Variants in STK32C observed in about 807,000 individuals in gnomAD.
STK32C encodes serine/threonine-protein kinase 32C.
A neutral mutation model predicts 56.5 loss-of-function variants in STK32C; 31 were observed. That is an observed-to-expected ratio of 0.55 (90% CI 0.41 to 0.74). The LOEUF (loss-of-function observed/expected upper bound fraction) is 0.74, where lower values mean the gene tolerates loss of function less well. Ranked by LOEUF, STK32C falls within the 30% of genes least tolerant of loss-of-function variation. The pLI is 0.00. For synonymous variants in STK32C, 309 were observed against 289.4 expected (o/e 1.07, Z -0.69); for missense variants, 544 against 676.9 (o/e 0.80, Z 2.18).
chr10:132,276,153 A>G (rs1239962438), intron 1 of STK32C, among the ~76,000 whole-genome samples: 1 of 152,178 alleles, frequency 6.6e-6, no homozygotes, highest in Non-Finnish European at 1.5e-5. Flanking sequence ...GCAATTTTCG[A>G]GTCCACACAA....
chr10:132,235,613 G>A (rs4880354), intron 2 of STK32C, among the ~76,000 whole-genome samples: 42,334 of 151,778 alleles, frequency 0.28, 6,800 homozygotes, highest in Admixed American at 0.41. Context: ...GGACAGTGTC[G>A]GGGCCTCCAG....
chr10:132,277,806 C>T (rs956856915), intron 1 of STK32C, among the ~76,000 whole-genome samples: 17 of 152,144 alleles, frequency 1.1e-4, no homozygotes, highest in Admixed American at 8.5e-4. Flanking sequence ...CCTCTGCCTT[C>T]AGGCTGCAGG....
chr10:132,326,752 G>A (rs563123362), intron 1 of STK32C, among the ~76,000 whole-genome samples: 1 of 152,180 alleles, frequency 6.6e-6, no homozygotes, highest in South Asian at 2.1e-4. Context: ...GTCCTCCACT[G>A]CTGGTCACAG....
chr10:132,258,230 T>C (rs1590294757), intron 1 of STK32C, among the ~76,000 whole-genome samples: 1 of 152,222 alleles, frequency 6.6e-6, no homozygotes, highest in African/African-American at 2.4e-5. Flanking sequence ...CTGCCAAGGC[T>C]GGGCAGGTGT....
chr10:132,271,930 G>A lies in STK32C; in HGVS notation c.263-25975C>T, dbSNP rs185783669. The stretch of plus-strand genomic sequence containing the variant: ...CAACACCACTGCTCAGTGCCCGGAC[G>A]CCCGGACCTCCTCATGTTTGTGTGT... On this transcript the variant is annotated intron_variant, in intron 1 of 11. Transcript: ENST00000298630. 4.4e-3 allele frequency among the ~76,000 whole-genome samples: 674 copies of A among 152,342 alleles called. 23 individuals carry two copies. The South Asian group carries it at 0.089, about 20-fold the overall frequency.
At chr10:132,239,524 C>T (rs535039416) in intron 2 of STK32C, among the ~76,000 whole-genome samples, 18 of 152,380 alleles carry the variant, frequency 1.2e-4, no homozygotes, top group African/African-American at 3.8e-4. Context: ...CTCCATGCCA[C>T]GCACTTGGCC....
At chr10:132,331,260 G>T (rs185637709) in intron 1 of STK32C, among the ~76,000 whole-genome samples, 3 of 150,178 alleles carry the variant, frequency 2.0e-5, no homozygotes, top group Non-Finnish European at 3.0e-5. Flanking sequence ...AACTGTCCGG[G>T]TTTCCAGAGT....
intron 1 of STK32C, among the ~76,000 whole-genome samples, chr10:132,280,700 T>C (rs766200729): frequency 2.4e-4 from 21 of 86,480 alleles, no homozygotes; most frequent in Non-Finnish European, 5.8e-4. Flanking sequence ...TCCGTGATCA[T>C]GAACCTCCAC....
intron 2 of STK32C, 85 bp from the exon 3 acceptor site, chr10:132,228,213 G>C: frequency 6.3e-7 from 1 of 1,584,284 alleles, no homozygotes; most frequent in Non-Finnish European, 8.7e-7. Context: ...GGGATGCCTG[G>C]GGACGCATCG....
chr10:132,278,877 C>A (rs2065068879), intron 1 of STK32C, among the ~76,000 whole-genome samples: 1 of 151,894 alleles, frequency 6.6e-6, no homozygotes, highest in African/African-American at 2.4e-5. Flanking sequence ...TTGAGAAAAC[C>A]AACCCAACAG....
intron 4 of STK32C, 95 bp downstream of exon 4, chr10:132,226,699 CT>C: frequency 6.8e-7 from 1 of 1,463,914 alleles, no homozygotes; most frequent in Middle Eastern, 1.9e-4. Context: ...TAGACCCGCT[CT>C]GAGGGAGTAC....
chr10:132,277,708 G>A (rs752711836), intron 1 of STK32C, among the ~76,000 whole-genome samples: 6 of 152,212 alleles, frequency 3.9e-5, no homozygotes, highest in Non-Finnish European at 7.3e-5. Context: ...AGCTGGTCGG[G>A]GCAAAGCATT....
In STK32C at chr10:132,227,962, C is replaced by G. The variant is rs773467818; in HGVS notation, c.470+15G>C. ...GACGGTAAGTCTTTCTGCAGCGAGG[C>G]CATGGCAGGCTCACCAGAGGTTCAC... On this transcript the variant is annotated intron_variant, in intron 3 of 11. Transcript: ENST00000298630. 5.6e-6 allele frequency: 9 copies of G among 1,611,898 alleles called. No homozygotes were observed. The South Asian group carries it at 9.9e-5, about 18-fold the overall frequency.
intron 2 of STK32C, among the ~76,000 whole-genome samples, chr10:132,242,910 T>A (rs1039387010): frequency 6.6e-6 from 1 of 152,156 alleles, no homozygotes; most frequent in Non-Finnish European, 1.5e-5. Context: ...AGGAAAACGC[T>A]GTACCCCCAC....
intron 2 of STK32C, among the ~76,000 whole-genome samples, chr10:132,239,338 C>T (rs567498209): frequency 2.0e-5 from 3 of 152,148 alleles, no homozygotes; most frequent in Non-Finnish European, 4.4e-5. Context: ...AGCAAACGGT[C>T]CTCCCCAAGC....
At chr10:132,274,463 T>C (rs1202140443) in intron 1 of STK32C, among the ~76,000 whole-genome samples, 1 of 152,212 alleles carries the variant, frequency 6.6e-6, no homozygotes, top group Non-Finnish European at 1.5e-5. Flanking sequence ...GAGGTCAATA[T>C]ATGAAGATTG....
At chr10:132,276,639 T>C (rs2065005625) in intron 1 of STK32C, among the ~76,000 whole-genome samples, 1 of 151,686 alleles carries the variant, frequency 6.6e-6, no homozygotes, top group African/African-American at 2.4e-5. Flanking sequence ...AGTTTTTAAT[T>C]AGCTGGACAT....
At position 132,276,692 on chromosome 10, in the gene STK32C, C is replaced by T. The variant is rs148471656; in HGVS notation, c.263-30737G>A. ...GTCCCAGCTACTCAGGAGACTGGGGCGGGAGGATTGCTTGAGCCCAGGAGC... is the reference window on the plus strand; with the variant it reads ...GTCCCAGCTACTCAGGAGACTGGGGTGGGAGGATTGCTTGAGCCCAGGAGC... On this transcript the variant is annotated intron_variant, in intron 1 of 11. Transcript: ENST00000298630. Among the ~76,000 whole-genome samples the T allele has an allele frequency of 1.1e-4, 16 of 151,974 alleles. No homozygotes were observed. In the East Asian group the frequency reaches 1.9e-3, roughly 18 times the overall value.
intron 1 of STK32C, chr10:132,249,043 C>T (rs766450025): frequency 4.2e-6 from 2 of 474,560 alleles, no homozygotes; most frequent in East Asian, 6.3e-5. Context: ...CAAAGCCTCC[C>T]GACTGTGCGA....
Sources: gnomAD v4.1 joint callset for allele counts (sites outside exome capture counted in the v4.1 genomes callset) on GRCh38, gnomAD v4.1.1 for gene constraint, MANE v1.5 for transcripts, NCBI Gene and HGNC (gene_info 2026-07-23, HGNC 2026-07-21) for gene names.